Variants in PAK3 observed in about 807,000 individuals in gnomAD.
PAK3 encodes p21 (RAC1) activated kinase 3, also known as serine/threonine-protein kinase PAK 3.
PAK3 carries 4 observed loss-of-function variants against 41.0 expected under a neutral mutation model. The ratio of observed to expected loss-of-function variants is 0.10; its 90% confidence interval spans 0.05 to 0.22. PAK3 has a LOEUF of 0.22. PAK3 is among the 10% of genes least tolerant of loss of function. The probability of loss-of-function intolerance (pLI) is 1.00; values close to 1 mark genes in which losing one functional copy is unlikely to be tolerated. For synonymous variants in PAK3, 146 were observed against 139.6 expected (o/e 1.05, Z -0.32); for missense variants, 205 against 409.9 (o/e 0.50, Z 4.32).
In PAK3 at chrX:111,196,646, T is replaced by C. The variant is rs2094615145; in HGVS notation, c.1407+6T>C. Reference sequence around the variant, plus strand: ...TTAATGAAAATCCACTCAGGGTAAGTCAGAAGAGAAGTCAGGTACTTTATT... The same window carrying C: ...TTAATGAAAATCCACTCAGGGTAAGCCAGAAGAGAAGTCAGGTACTTTATT... On this transcript the variant is annotated splice_donor_region_variant and intron_variant, in intron 16 of 17. Coordinates refer to ENST00000372007, the MANE Select transcript of PAK3 (RefSeq NM_002578.5). 1 of 1,144,800 alleles carries C rather than the reference T, an allele frequency of 8.7e-7. No individual in the cohort carries two copies. The highest frequency in any genetic ancestry group is 1.8e-5 in the African/African-American group (1 of 55,676). 94.3% of individuals were successfully genotyped at this position (1,144,800 alleles called of 1,213,427 possible). A position where few individuals can be genotyped will look rare whatever the true frequency, so the allele number is the denominator to read the frequency against.
At chrX:111,117,201 G>A (rs1360911591) in intron 4 of PAK3, among the ~76,000 whole-genome samples, 2 of 111,817 alleles carry the variant, frequency 1.8e-5, no homozygotes, top group African/African-American at 6.5e-5. Context: ...AGCATGAAGT[G>A]GGTTGAAATG....
intron 1 of PAK3, among the ~76,000 whole-genome samples, chrX:110,963,017 G>T (rs1005743826): frequency 2.7e-5 from 3 of 111,692 alleles, no homozygotes; most frequent in Non-Finnish European, 5.6e-5. Flanking sequence ...GGCTGCTGGT[G>T]CCTGTTATAC....
At chrX:111,075,948 C>T (rs138790187) in intron 1 of PAK3, among the ~76,000 whole-genome samples, 1 of 112,806 alleles carries the variant, frequency 8.9e-6, no homozygotes, top group Non-Finnish European at 1.9e-5. Flanking sequence ...TAGTGACTAC[C>T]CTTCTGGGTT....
chrX:111,039,939 A>G (rs2092436488), intron 1 of PAK3, among the ~76,000 whole-genome samples: 1 of 100,900 alleles, frequency 9.9e-6, no homozygotes, highest in African/African-American at 3.6e-5. Context: ...CCTGCATGTT[A>G]GAGAATGGCT....
chrX:111,211,911 TA>T (rs755639152), intron 16 of PAK3, among the ~76,000 whole-genome samples: 4 of 110,617 alleles, frequency 3.6e-5, no homozygotes, highest in Non-Finnish European at 5.7e-5. Context: ...GACTGAAGAA[TA>T]AAAAAGCTTG....
chrX:111,099,273 C>T (rs912627447), intron 3 of PAK3, among the ~76,000 whole-genome samples: 1 of 111,876 alleles, frequency 8.9e-6, no homozygotes, highest in African/African-American at 3.3e-5. Context: ...ACAGCCTAAC[C>T]GGGGGTTTAA....
chrX:111,176,044 A>G (rs1234145352), intron 11 of PAK3, among the ~76,000 whole-genome samples: 1 of 111,564 alleles, frequency 9.0e-6, no homozygotes, highest in East Asian at 2.8e-4. Context: ...AGTCAATTGT[A>G]TTCCTACTTT....
chrX:111,090,133 C>T (rs938161269), intron 1 of PAK3, among the ~76,000 whole-genome samples: 8 of 111,088 alleles, frequency 7.2e-5, no homozygotes, highest in African/African-American at 2.6e-4. Context: ...CAATCTCCCT[C>T]AATCTCTCTT....
chrX:111,160,718 T>C (rs1249689113), intron 8 of PAK3, among the ~76,000 whole-genome samples: 2 of 111,821 alleles, frequency 1.8e-5, no homozygotes, highest in Non-Finnish European at 3.8e-5. Context: ...CATGTGGTGT[T>C]TGGTTTTTTG....
At chrX:111,067,338 G>T (rs1027322092) in intron 1 of PAK3, among the ~76,000 whole-genome samples, 2 of 110,663 alleles carry the variant, frequency 1.8e-5, no homozygotes, top group East Asian at 2.8e-4. Flanking sequence ...ATTTTATATC[G>T]TTTAATCCTT....
chrX:111,209,977 C>T (rs2094801192), intron 16 of PAK3, among the ~76,000 whole-genome samples: 2 of 111,692 alleles, frequency 1.8e-5, no homozygotes, highest in South Asian at 7.5e-4. Context: ...TCTCTTAGTA[C>T]TTAGGTAAAT....
chrX:111,143,697 A>T (rs995362930), intron 6 of PAK3, among the ~76,000 whole-genome samples: 11 of 110,930 alleles, frequency 9.9e-5, no homozygotes, highest in Non-Finnish European at 1.9e-4. Context: ...TTTTTAAAAA[A>T]TTACAAAAAG....
At chrX:111,009,479 C>A (rs1351159788) in intron 1 of PAK3, among the ~76,000 whole-genome samples, 1 of 58,394 alleles carries the variant, frequency 1.7e-5, no homozygotes, top group East Asian at 7.4e-4. Flanking sequence ...TGTCAGCTGC[C>A]CATTGACCTT....
At chrX:111,210,082 C>T (rs1284463144) in intron 16 of PAK3, among the ~76,000 whole-genome samples, 1 of 111,749 alleles carries the variant, frequency 8.9e-6, no homozygotes, top group East Asian at 2.8e-4. Context: ...ACATCAGAAA[C>T]TTCTAGGTAA....
chrX:111,151,189 T>C (rs1355016851), intron 7 of PAK3, among the ~76,000 whole-genome samples: 1 of 112,516 alleles, frequency 8.9e-6, no homozygotes, highest in Non-Finnish European at 1.9e-5. Flanking sequence ...AATCAAGAGC[T>C]GTGCTCCAAG....
At chrX:111,216,055 A>T (rs1327853768) in intron 16 of PAK3, among the ~76,000 whole-genome samples, 7 of 112,316 alleles carry the variant, frequency 6.2e-5, no homozygotes, top group Admixed American at 4.7e-4. Flanking sequence ...AAATGAATGG[A>T]TGTATGTGTA....
intron 17 of PAK3, among the ~76,000 whole-genome samples, chrX:111,219,199 T>A (rs1331426243): frequency 2.3e-5 from 2 of 87,152 alleles, no homozygotes; most frequent in African/African-American, 1.2e-4. Context: ...CAAATAATAA[T>A]AATAATAATA....
intron 11 of PAK3, among the ~76,000 whole-genome samples, chrX:111,181,082 G>A (rs1471802033): frequency 4.5e-5 from 5 of 111,267 alleles, no homozygotes; most frequent in South Asian, 7.5e-4. Flanking sequence ...GATTATAGTC[G>A]TATAATAAAA....
chrX:110,970,649 G>A (rs2091187634), intron 1 of PAK3, among the ~76,000 whole-genome samples: 1 of 111,299 alleles, frequency 9.0e-6, no homozygotes, highest in Admixed American at 9.6e-5. Flanking sequence ...TAATGCATGT[G>A]GGGCTTAAAA....
Sources: gnomAD v4.1 joint callset for allele counts (sites outside exome capture counted in the v4.1 genomes callset) on GRCh38, gnomAD v4.1.1 for gene constraint, MANE v1.5 for transcripts, NCBI Gene and HGNC (gene_info 2026-07-23, HGNC 2026-07-21) for gene names.